Variants in TRMT11 observed in about 807,000 individuals in gnomAD.
TRMT11 encodes tRNA (guanine(10)-N(2))-methyltransferase TRMT11.
Under a neutral mutation model 62.8 loss-of-function variants are expected in TRMT11, and 53 were observed. The ratio of observed to expected loss-of-function variants is 0.84; its 90% CI spans 0.68 to 1.06. TRMT11 has a LOEUF of 1.06. Ranked by LOEUF, TRMT11 falls within the 50% of genes least tolerant of loss-of-function variation. The pLI, the probability that TRMT11 is intolerant of heterozygous loss-of-function variation, is 0.00. For synonymous variants in TRMT11, 188 were observed against 190.3 expected (o/e 0.99, Z 0.10); for missense variants, 556 against 553.4 (o/e 1.00, Z -0.05).
intron 16 of TRMT11, among the ~76,000 whole-genome samples, chr6:126,052,754 T>C (rs1776254904): frequency 6.6e-6 from 1 of 152,240 alleles, no homozygotes. Flanking sequence ...TGGACCAAAA[T>C]AAATGAACAA....
intron 21 of TRMT11, among the ~76,000 whole-genome samples, chr6:126,171,705 CTG>C (rs1259771322): frequency 6.6e-6 from 1 of 151,940 alleles, no homozygotes; most frequent in African/African-American, 2.4e-5. Flanking sequence ...TCTTGAGAAA[CTG>C]TGTCTTTAAA....
rs999162379 is a variant in TRMT11 at position 126,065,892 on chromosome 6, G to A, written c.*1437+12702G>A. 3.9e-5 allele frequency among the ~76,000 whole-genome samples: 6 copies of A among 152,244 alleles called. No homozygotes were observed. In the South Asian group the frequency reaches 8.3e-4, roughly 21 times the overall value. On this transcript the variant is annotated intron_variant and NMD_transcript_variant, in intron 17 of 22. Coordinates refer to the TRMT11 transcript ENST00000648977. ...TACAATGAAAATAATAGTACCTATC[G>A]TGAATTTATCATGATCATAAAAGGA...
chr6:126,175,850 G>T (rs1314570109), upstream of TRMT11, among the ~76,000 whole-genome samples: 3 of 152,116 alleles, frequency 2.0e-5, no homozygotes, highest in East Asian at 5.8e-4. Context: ...AATTTCTCCT[G>T]AAATGATGTT....
chr6:126,212,768 G>A, the TRMT11 span, among the ~76,000 whole-genome samples: 7 of 151,958 alleles, frequency 4.6e-5, no homozygotes, highest in African/African-American at 1.2e-4. Context: ...GCTGTGCACA[G>A]GCTTTTTAAC....
At chr6:126,193,619 A>T (rs1359072367) in intron 1 of TRMT11, among the ~76,000 whole-genome samples, 1 of 149,480 alleles carries the variant, frequency 6.7e-6, no homozygotes, top group Admixed American at 6.7e-5. Context: ...CAGCCTCCCG[A>T]GTAGCTGGGA....
Position 125,998,105 on chromosome 6 carries a change from T to C in TRMT11, c.265T>C (p.Ser89Pro). The C allele has an allele frequency of 6.2e-7, 1 of 1,613,780 alleles. No individual in the cohort carries two copies. Among genetic ancestry groups the C allele is most frequent in the East Asian group, 2.2e-5 (1 of 44,854 alleles). Reference protein sequence around the residue: ...HGQSPEELYSSLKNYPVEKMV... With the variant: ...HGQSPEELYSPLKNYPVEKMV... The stretch of plus-strand genomic sequence containing the variant: ...ACAATCTCCTGAGGAGCTGTACAGT[T>C]CTCTTAAAAACTACCCTGTGGAGAA... Residue 89 changes from serine (S) to proline (P), a missense_variant, in exon 4 of 13, where the codon TCT becomes CCT. Physicochemically the swap from Ser to Pro is moderately conservative, Grantham distance 74. Transcript: ENST00000334379.
the TRMT11 span, among the ~76,000 whole-genome samples, chr6:126,221,803 T>C: frequency 3.9e-5 from 6 of 152,242 alleles, no homozygotes; most frequent in Non-Finnish European, 8.8e-5. Context: ...TAAACTAAAC[T>C]GTTTAATTTA....
At chr6:126,110,272 T>A (rs61321192) in intron 17 of TRMT11, among the ~76,000 whole-genome samples, 2 of 152,128 alleles carry the variant, frequency 1.3e-5, no homozygotes, top group African/African-American at 4.8e-5. Context: ...TGGGCAGTGC[T>A]GAGAAACACA....
the TRMT11 span, among the ~76,000 whole-genome samples, chr6:126,240,796 TGCCCCCA>T: frequency 6.6e-6 from 1 of 152,248 alleles, no homozygotes; most frequent in Non-Finnish European, 1.5e-5. Flanking sequence ...GGCTATGCCC[TGCCCCCA>T]GAGGCGGAGT....
intron 17 of TRMT11, among the ~76,000 whole-genome samples, chr6:126,063,036 TAAA>T (rs1176425488): frequency 6.6e-6 from 1 of 152,192 alleles, no homozygotes; most frequent in Non-Finnish European, 1.5e-5. Context: ...TCATAATAGA[TAAA>T]TAATAAAGGG....
At chr6:126,151,874 C>CTTTCTTTCTTTAGTT (rs1459413861) in intron 21 of TRMT11, among the ~76,000 whole-genome samples, 1 of 79,654 alleles carries the variant, frequency 1.3e-5, no homozygotes, top group African/African-American at 5.8e-5. Context: ...TTCCTTCTTT[C>CTTTCTTTCTTTAGTT]TCCTTCCTTC....
intron 21 of TRMT11, among the ~76,000 whole-genome samples, chr6:126,167,152 C>T (rs1778277836): frequency 6.6e-6 from 1 of 152,108 alleles, no homozygotes; most frequent in South Asian, 2.1e-4. Context: ...TTCCATACAC[C>T]ACTGGGGTAT....
chr6:126,164,398 T>G (rs372453690), intron 21 of TRMT11, among the ~76,000 whole-genome samples: 28 of 152,226 alleles, frequency 1.8e-4, no homozygotes, highest in East Asian at 7.7e-4. Flanking sequence ...CTTCCAATTA[T>G]GTGGTCAGTT....
At chr6:126,219,452 G>C in the TRMT11 span, among the ~76,000 whole-genome samples, 1 of 152,082 alleles carries the variant, frequency 6.6e-6, no homozygotes. Context: ...CAAATCTGTA[G>C]AGCCTACCAG....
At chr6:126,102,080 G>A (rs893653179) in intron 17 of TRMT11, among the ~76,000 whole-genome samples, 1 of 152,170 alleles carries the variant, frequency 6.6e-6, no homozygotes, top group African/African-American at 2.4e-5. Flanking sequence ...GGGGATGGGT[G>A]CTCTCTCCAT....
intron 9 of TRMT11, among the ~76,000 whole-genome samples, chr6:126,012,177 T>G (rs556098182): frequency 3.0e-4 from 45 of 152,308 alleles, no homozygotes; most frequent in African/African-American, 1.1e-3. Flanking sequence ...AGTGTGAATA[T>G]ACTTTATGAA....
intron 21 of TRMT11, among the ~76,000 whole-genome samples, chr6:126,137,659 T>A (rs542617458): frequency 2.0e-5 from 3 of 151,902 alleles, no homozygotes; most frequent in African/African-American, 7.2e-5. Flanking sequence ...CAAAGGGATA[T>A]CTGCAGTTTC....
At chr6:126,132,263 G>A (rs371517325) in intron 21 of TRMT11, among the ~76,000 whole-genome samples, 34 of 152,004 alleles carry the variant, frequency 2.2e-4, no homozygotes, top group African/African-American at 7.7e-4. Flanking sequence ...CAAACATAAG[G>A]CATAGGTGGC....
intron 21 of TRMT11, among the ~76,000 whole-genome samples, chr6:126,129,355 T>C (rs1777754752): frequency 6.6e-6 from 1 of 152,132 alleles, no homozygotes; most frequent in Non-Finnish European, 1.5e-5. Flanking sequence ...TGGAACAGTG[T>C]CTGATGTGGA....
Sources: allele counts gnomAD v4.1 joint callset (sites outside exome capture counted in the v4.1 genomes callset), GRCh38; gene constraint gnomAD v4.1.1; transcripts MANE v1.5; gene names NCBI Gene and HGNC (gene_info 2026-07-23, HGNC 2026-07-21).